Variants in ANO6 observed in about 807,000 individuals in gnomAD.
The protein encoded by ANO6 is anoctamin-6.
ANO6 carries 106 observed loss-of-function variants against 117.5 expected under a neutral mutation model. That is an observed-to-expected ratio of 0.90 (90% CI 0.77 to 1.06). The LOEUF (loss-of-function observed/expected upper bound fraction) is 1.06, where lower values mean the gene tolerates loss of function less well. Ranked by LOEUF, ANO6 falls within the 50% of genes least tolerant of loss-of-function variation. The pLI is 0.00. For synonymous variants in ANO6, 367 were observed against 385.1 expected, an observed-to-expected ratio of 0.95 and a Z score of 0.55; for missense variants, 955 against 1,121.1, an observed-to-expected ratio of 0.85 and a Z score of 2.12.
chr12:45,324,262 T>C (rs1940387779), intron 2 of ANO6, among the ~76,000 whole-genome samples: 1 of 152,178 alleles, frequency 6.6e-6, no homozygotes, highest in African/African-American at 2.4e-5. Context: ...AGACATTCAT[T>C]TTTTAAAATT....
intron 1 of ANO6, among the ~76,000 whole-genome samples, chr12:45,241,223 A>G (rs145643148): frequency 6.4e-4 from 97 of 152,186 alleles, no homozygotes; most frequent in African/African-American, 1.9e-3. Flanking sequence ...ACATAGTCCC[A>G]TATTTCTTGG....
At position 45,360,175 on chromosome 12, in the gene ANO6, C is replaced by G. The variant is rs141091934; in HGVS notation, c.998+2751C>G. Among the ~76,000 whole-genome samples the G allele has an allele frequency of 3.7e-3, 565 of 152,278 alleles. 1 individual carries two copies. Among genetic ancestry groups the G allele is most frequent in the Middle Eastern group, 0.014 (4 of 294 alleles). ...ATAGAAGTCTCTTATTGGATATTGT[C>G]TTAGTCTGTTTGTGCTGCTGTAACA... On this transcript the variant is annotated intron_variant, in intron 8 of 19. Transcript: ENST00000320560.
intron 7 of ANO6, among the ~76,000 whole-genome samples, chr12:45,356,020 G>A (rs11182996): frequency 0.055 from 8,334 of 152,226 alleles, 469 homozygotes; most frequent in East Asian, 0.32. Flanking sequence ...AGCAACAGCA[G>A]CAGTCACCTG....
At chr12:45,408,350 A>G (rs1942997034) in intron 15 of ANO6, among the ~76,000 whole-genome samples, 1 of 152,310 alleles carries the variant, frequency 6.6e-6, no homozygotes, top group East Asian at 1.9e-4. Context: ...TGAGGGGACA[A>G]CAGTTCTCTA....
chr12:45,366,915 G>C (rs1449988060), intron 8 of ANO6, among the ~76,000 whole-genome samples: 1 of 151,996 alleles, frequency 6.6e-6, no homozygotes, highest in African/African-American at 2.4e-5. Context: ...ATTCCTTTTT[G>C]TATCCCTGTG....
At chr12:45,349,261 A>T (rs1206642544) in intron 6 of ANO6, among the ~76,000 whole-genome samples, 1 of 152,162 alleles carries the variant, frequency 6.6e-6, no homozygotes, top group East Asian at 1.9e-4. Flanking sequence ...ACGATTTTCA[A>T]ACTGTCCCCT....
chr12:45,261,171 T>C (rs1938019083), intron 1 of ANO6, among the ~76,000 whole-genome samples: 1 of 152,176 alleles, frequency 6.6e-6, no homozygotes, highest in Non-Finnish European at 1.5e-5. Flanking sequence ...ATTCCAGGCA[T>C]GTGAAGGACA....
chr12:45,349,569 GT>G (rs1288668556), intron 6 of ANO6, among the ~76,000 whole-genome samples: 2 of 152,248 alleles, frequency 1.3e-5, no homozygotes, highest in East Asian at 3.9e-4. Flanking sequence ...ATCTGACTGT[GT>G]AAGACCAAAG....
intron 9 of ANO6, among the ~76,000 whole-genome samples, chr12:45,375,900 C>T (rs1941998889): frequency 1.3e-5 from 2 of 148,494 alleles, no homozygotes; most frequent in African/African-American, 5.0e-5. Context: ...AAAGAAACTA[C>T]CATCAGAGTG....
At chr12:45,391,044 C>T (rs1163254830) in intron 12 of ANO6, among the ~76,000 whole-genome samples, 1 of 151,992 alleles carries the variant, frequency 6.6e-6, no homozygotes, top group Non-Finnish European at 1.5e-5. Context: ...TCACTTGAAC[C>T]CAGGAGACGG....
chr12:45,408,398 A>G (rs1050733734), intron 15 of ANO6, among the ~76,000 whole-genome samples: 4 of 152,120 alleles, frequency 2.6e-5, no homozygotes, highest in African/African-American at 9.7e-5. Context: ...GCCAACTCAG[A>G]TTTCTTTTCC....
At chr12:45,246,459 A>AG (rs1947826762) in intron 1 of ANO6, among the ~76,000 whole-genome samples, 1 of 152,336 alleles carries the variant, frequency 6.6e-6, no homozygotes, top group Non-Finnish European at 1.5e-5. Flanking sequence ...GCGAGGAAAG[A>AG]GCAATGGAGC....
Position 45,428,108 on chromosome 12 carries a change from C to T in ANO6, c.2527-997C>T, listed in dbSNP as rs557250973. ...GTCTCAGCAGTCCCACTCCTAGGTC[C>T]ACACTCTTGAGAAACTTGCAGATAA... On this transcript the variant is annotated intron_variant, in intron 19 of 19. Transcript: ENST00000320560. 5.5e-4 allele frequency among the ~76,000 whole-genome samples: 83 copies of T among 152,230 alleles called. 1 individual carries two copies. The South Asian group carries it at 0.012, about 22-fold the overall frequency.
At chr12:45,242,513 G>A (rs947536558) in intron 1 of ANO6, among the ~76,000 whole-genome samples, 1 of 152,178 alleles carries the variant, frequency 6.6e-6, no homozygotes, top group Admixed American at 6.5e-5. Flanking sequence ...GAAATCCCCC[G>A]ACCCCTTGTG....
chr12:45,416,475 G>C (rs1218688932), intron 16 of ANO6, among the ~76,000 whole-genome samples: 1 of 152,170 alleles, frequency 6.6e-6, no homozygotes, highest in African/African-American at 2.4e-5. Flanking sequence ...CCTATTAAGT[G>C]TATACATGTG....
intron 4 of ANO6, 105 bp downstream of exon 4, chr12:45,347,192 A>G: frequency 9.5e-7 from 1 of 1,049,628 alleles, no homozygotes; most frequent in Non-Finnish European, 1.5e-6. Context: ...CCCTGGCCAC[A>G]TCTTAGTCAT....
chr12:45,336,618 G>GC (rs756262910), intron 3 of ANO6, among the ~76,000 whole-genome samples: 6 of 151,902 alleles, frequency 3.9e-5, no homozygotes, highest in Non-Finnish European at 7.4e-5. Flanking sequence ...AACCTATTAG[G>GC]CTGGGCTGCT....
chr12:45,320,333 G>A (rs772751940), intron 2 of ANO6, among the ~76,000 whole-genome samples: 63 of 151,698 alleles, frequency 4.2e-4, no homozygotes, highest in Non-Finnish European at 8.0e-4. Context: ...TTTTCTCGTT[G>A]GTTTCAAAGA....
intron 9 of ANO6, among the ~76,000 whole-genome samples, chr12:45,375,883 C>T (rs1454920008): frequency 6.7e-6 from 1 of 148,514 alleles, no homozygotes; most frequent in African/African-American, 2.5e-5. Flanking sequence ...AGGGCTTCTG[C>T]ACAGCAAAAG....
Sources: gnomAD v4.1 joint callset for allele counts (sites outside exome capture counted in the v4.1 genomes callset) on GRCh38, gnomAD v4.1.1 for gene constraint, MANE v1.5 for transcripts, NCBI Gene and HGNC (gene_info 2026-07-23, HGNC 2026-07-21) for gene names.